POLD3: variants seen among roughly 807,000 people sequenced by gnomAD.
POLD3 encodes DNA polymerase delta 3, accessory subunit.
A neutral mutation model predicts 58.2 loss-of-function variants in POLD3; 19 were observed. That is an observed-to-expected ratio of 0.33 (90% CI 0.23 to 0.48). The LOEUF (loss-of-function observed/expected upper bound fraction) is 0.48, where lower values mean the gene tolerates loss of function less well. Among genes scored for constraint, POLD3 ranks in the 20% least tolerant of loss-of-function variants. POLD3 has a pLI of 0.99. For missense variants in POLD3, 504 were observed against 545.5 expected (o/e 0.92, Z 0.76); for synonymous variants, 172 against 193.5 (o/e 0.89, Z 0.92).
Position 74,619,095 on chromosome 11 carries a change from C to T in POLD3, c.660+291C>T, listed in dbSNP as rs117380646. Among the ~76,000 whole-genome samples the T allele has an allele frequency of 7.5e-4, 114 of 152,250 alleles. 1 individual carries two copies. In the East Asian group the frequency reaches 0.012, roughly 16 times the overall value. On this transcript the variant is annotated intron_variant, in intron 6 of 11. Transcript: ENST00000263681. ...CAGATGAAAACATGTGAAAACACCT[C>T]GAGAATTGTTGACATTCAAAAAAAT...
intron 3 of POLD3, among the ~76,000 whole-genome samples, chr11:74,607,239 ATTATATATTTAT>A (rs2031711584): frequency 1.2e-5 from 1 of 84,532 alleles, no homozygotes; most frequent in African/African-American, 7.4e-5. Context: ...TATTATTATT[ATTATATATTTAT>A]TTATTTATTT....
chr11:74,620,780 A>G (rs2032227118), intron 7 of POLD3, among the ~76,000 whole-genome samples: 1 of 152,216 alleles, frequency 6.6e-6, no homozygotes, highest in Non-Finnish European at 1.5e-5. Context: ...GCCACAGGAT[A>G]ATTATGGCAC....
intron 9 of POLD3, among the ~76,000 whole-genome samples, chr11:74,631,344 C>T (rs942928039): frequency 6.6e-6 from 1 of 151,950 alleles, no homozygotes; most frequent in Non-Finnish European, 1.5e-5. Flanking sequence ...TTGTTTAATT[C>T]CTTGTTTTTG....
intron 8 of POLD3, 136 bp from the exon 9 acceptor site, chr11:74,629,078 CCTT>C (rs1190161453): frequency 1.9e-5 from 11 of 566,392 alleles, no homozygotes; most frequent in Non-Finnish European, 3.1e-5. Context: ...TAACAAGAGT[CCTT>C]CTTGGACTAT....
intron 1 of POLD3, 63 bp downstream of exon 1, chr11:74,592,781 C>T: frequency 6.3e-7 from 1 of 1,599,408 alleles, no homozygotes; most frequent in South Asian, 1.1e-5. Flanking sequence ...GCTAGGGCGG[C>T]GGGAGCCTTG....
chr11:74,652,965 A>T (rs1173081078), intron 4 of POLD3: 3 of 152,692 alleles, frequency 2.0e-5, no homozygotes, highest in African/African-American at 7.2e-5. Flanking sequence ...TTTTATAAGC[A>T]TCTGTGCTGT....
chr11:74,666,512 T>C (rs990370116), intron 4 of POLD3, among the ~76,000 whole-genome samples: 8 of 151,708 alleles, frequency 5.3e-5, no homozygotes, highest in African/African-American at 1.9e-4. Context: ...TCCCAGGTAC[T>C]TGGGAGGCTG....
downstream of POLD3, among the ~76,000 whole-genome samples, chr11:74,644,569 T>C (rs1485894574): frequency 6.6e-6 from 1 of 152,198 alleles, no homozygotes; most frequent in Non-Finnish European, 1.5e-5. Context: ...TTTTGTGTTC[T>C]TAGGTGCGGA....
At chr11:74,626,164 G>A (rs1248262943) in intron 8 of POLD3, among the ~76,000 whole-genome samples, 2 of 152,122 alleles carry the variant, frequency 1.3e-5, no homozygotes, top group Non-Finnish European at 2.9e-5. Context: ...GACGACTTTT[G>A]TGGCAAGTTT....
intron 5 of POLD3, among the ~76,000 whole-genome samples, chr11:74,613,248 G>A (rs2031974097): frequency 6.6e-6 from 1 of 151,816 alleles, no homozygotes; most frequent in African/African-American, 2.4e-5. Flanking sequence ...TCCTGTCACT[G>A]CCACCAGAAA....
chr11:74,654,415 TAAAAC>T (rs143621848), intron 4 of POLD3, among the ~76,000 whole-genome samples: 8,722 of 152,048 alleles, frequency 0.057, 342 homozygotes, highest in Non-Finnish European at 0.081. Context: ...TAACATTAAA[TAAAAC>T]AGAACTAAAA....
intron 3 of POLD3, among the ~76,000 whole-genome samples, chr11:74,607,248 T>TATATATATA (rs1565114139): frequency 6.0e-4 from 58 of 95,976 alleles, no homozygotes; most frequent in Admixed American, 1.3e-3. Context: ...TATTATATAT[T>TATATATATA]TATTTATTTA....
Position 74,641,857 on chromosome 11 carries a change from G to A in POLD3, c.*1091G>A. The A allele has an allele frequency of 3.0e-6, 3 of 985,328 alleles. No homozygotes were observed. The highest frequency in any genetic ancestry group is 2.4e-6 in the Non-Finnish European group (2 of 829,856). The allele number at this position is 985,328 out of a possible 1,614,324, so 61.0% of individuals were successfully genotyped here. ...CCCTAAGAGAGGATGGAGAGGGAGA[G>A]ACTGAATTGTTAGTAGGTCTAAACA... On this transcript the variant is annotated 3_prime_UTR_variant, in exon 12 of 12. Transcript: ENST00000263681.
intron 8 of POLD3, among the ~76,000 whole-genome samples, chr11:74,626,731 A>G (rs2032443513): frequency 6.6e-6 from 1 of 152,174 alleles, no homozygotes; most frequent in Non-Finnish European, 1.5e-5. Flanking sequence ...AAATTGTGCT[A>G]ACTTCATAAG....
At chr11:74,660,529 G>C (rs1422208243) in intron 4 of POLD3, among the ~76,000 whole-genome samples, 1 of 151,914 alleles carries the variant, frequency 6.6e-6, no homozygotes, top group Non-Finnish European at 1.5e-5. Flanking sequence ...GATATGGTTT[G>C]GATTTGTGTC....
exon 5 of POLD3, chr11:74,668,925 T>G: frequency 2.2e-6 from 1 of 457,874 alleles, no homozygotes; most frequent in Non-Finnish European, 3.6e-6. Context: ...GGTGGTAGTT[T>G]CAAGTGACGT....
At chr11:74,593,062 T>C in intron 1 of POLD3, 2 of 1,098,174 alleles carry the variant, frequency 1.8e-6, no homozygotes, top group Non-Finnish European at 2.2e-6. Flanking sequence ...AAGTTTTAAG[T>C]TTACAGTTGA....
chr11:74,641,642 A>G lies in POLD3; in HGVS notation c.*876A>G. ...GTGAAACCCGTACAATGAGATAAAG[A>G]CTAAAAAGAGAAATCCCTTCCTATA... On this transcript the variant is annotated 3_prime_UTR_variant, in exon 12 of 12. Coordinates refer to ENST00000263681, the MANE Select transcript of POLD3 (RefSeq NM_006591.3). The G allele has an allele frequency of 1.0e-6, 1 of 985,372 alleles. No individual in the cohort carries two copies. Among genetic ancestry groups the G allele is most frequent in the Non-Finnish European group, 1.2e-6 (1 of 829,892 alleles). The allele number at this position is 985,372 out of a possible 1,614,324, so 61.0% of individuals were successfully genotyped here.
chr11:74,654,774 G>C (rs138618398), intron 4 of POLD3, among the ~76,000 whole-genome samples: 11 of 152,262 alleles, frequency 7.2e-5, no homozygotes, highest in African/African-American at 2.6e-4. Context: ...ATTTGAAGCA[G>C]AATTTGAAAA....
Sources: allele counts gnomAD v4.1 joint callset (sites outside exome capture counted in the v4.1 genomes callset), GRCh38; gene constraint gnomAD v4.1.1; transcripts MANE v1.5; gene names NCBI Gene and HGNC (gene_info 2026-07-23, HGNC 2026-07-21).